Variants in B3GALT1 observed in about 807,000 individuals in gnomAD.
B3GALT1 encodes the protein UDP-Gal:betaGlcNAc beta 1,3-galactosyltransferase, polypeptide 1.
B3GALT1 carries 10 observed loss-of-function variants against 23.2 expected under a neutral mutation model. The observed-to-expected ratio is 0.43, with a 90% CI of 0.27 to 0.73. The LOEUF (loss-of-function observed/expected upper bound fraction) is 0.73. B3GALT1 is among the 30% of genes least tolerant of loss of function. The probability of loss-of-function intolerance (pLI) is 0.21; values close to 1 mark genes in which losing one functional copy is unlikely to be tolerated. For missense variants in B3GALT1, 299 were observed against 405.4 expected (o/e 0.74, Z 2.25); for synonymous variants, 156 against 141.5 (o/e 1.10, Z -0.73).
chr2:167,301,378 TA>T (rs1696443011), intron 1 of B3GALT1, among the ~76,000 whole-genome samples: 2 of 152,190 alleles, frequency 1.3e-5, no homozygotes, highest in South Asian at 4.1e-4. Flanking sequence ...ACTGATGGGC[TA>T]AATCAGCATC....
intron 2 of B3GALT1, among the ~76,000 whole-genome samples, chr2:167,499,667 A>G (rs1456369236): frequency 2.0e-5 from 3 of 152,136 alleles, no homozygotes; most frequent in Non-Finnish European, 4.4e-5. Context: ...AGAAATATGC[A>G]TGGATTTTTC....
intron 3 of B3GALT1, among the ~76,000 whole-genome samples, chr2:167,784,129 G>A (rs556565369): frequency 3.9e-5 from 6 of 151,958 alleles, no homozygotes; most frequent in East Asian, 1.9e-4. Context: ...CCTGCCCTTC[G>A]CTGTCCCCAG....
intron 2 of B3GALT1, among the ~76,000 whole-genome samples, chr2:167,586,326 G>A (rs985570280): frequency 2.0e-5 from 3 of 152,066 alleles, no homozygotes; most frequent in African/African-American, 7.2e-5. Flanking sequence ...TTGAGATGGA[G>A]TCTTGCTCAG....
chr2:167,584,806 G>GC (rs1397304822), intron 2 of B3GALT1, among the ~76,000 whole-genome samples: 2 of 152,148 alleles, frequency 1.3e-5, no homozygotes, highest in Non-Finnish European at 2.9e-5. Flanking sequence ...ATGGAAAGGG[G>GC]CACGGAGCTT....
chr2:167,308,176 A>G (rs957634015), intron 1 of B3GALT1, among the ~76,000 whole-genome samples: 53 of 152,124 alleles, frequency 3.5e-4, no homozygotes, highest in African/African-American at 1.1e-3. Context: ...TAATATCTCT[A>G]TTTTATAACT....
intron 1 of B3GALT1, among the ~76,000 whole-genome samples, chr2:167,483,662 A>G (rs1699588053): frequency 6.6e-6 from 1 of 152,160 alleles, no homozygotes; most frequent in Non-Finnish European, 1.5e-5. Context: ...CACCAAAAGG[A>G]ATTTACATGT....
chr2:167,855,368 G>A (rs1689981467), intron 4 of B3GALT1, among the ~76,000 whole-genome samples: 1 of 152,050 alleles, frequency 6.6e-6, no homozygotes, highest in Non-Finnish European at 1.5e-5. Context: ...TGTAAAGCTG[G>A]GGCAAGTTGC....
intron 2 of B3GALT1, among the ~76,000 whole-genome samples, chr2:167,637,735 A>G (rs1685583746): frequency 6.6e-6 from 1 of 151,916 alleles, no homozygotes. Context: ...GCTTCCACAT[A>G]CAAGTGAAAA....
chr2:167,457,914 T>G (rs888848493), intron 1 of B3GALT1, among the ~76,000 whole-genome samples: 12 of 152,214 alleles, frequency 7.9e-5, no homozygotes, highest in Non-Finnish European at 1.8e-4. Context: ...TACAGAAGAT[T>G]CTGTACACAC....
At chr2:167,415,528 A>C (rs1161944657) in intron 1 of B3GALT1, among the ~76,000 whole-genome samples, 1 of 152,218 alleles carries the variant, frequency 6.6e-6, no homozygotes, top group Non-Finnish European at 1.5e-5. Context: ...AAATACGTAA[A>C]AATGCAGAAG....
chr2:167,640,718 C>A (rs111621606), intron 2 of B3GALT1, among the ~76,000 whole-genome samples: 2,228 of 152,092 alleles, frequency 0.015, 25 homozygotes, highest in Middle Eastern at 0.02. Flanking sequence ...AGGCATATTT[C>A]GCAGGAAAAT....
At chr2:167,303,489 T>C (rs1348048444) in intron 1 of B3GALT1, among the ~76,000 whole-genome samples, 1 of 152,020 alleles carries the variant, frequency 6.6e-6, no homozygotes. Flanking sequence ...CTGGAAGAGA[T>C]TAGCATTTAA....
intron 3 of B3GALT1, among the ~76,000 whole-genome samples, chr2:167,692,772 A>G (rs1354367616): frequency 6.6e-6 from 1 of 152,158 alleles, no homozygotes; most frequent in African/African-American, 2.4e-5. Flanking sequence ...TCATCTACTC[A>G]GTAACATAAC....
chr2:167,569,302 A>C (rs1268490273), intron 2 of B3GALT1, among the ~76,000 whole-genome samples: 5 of 151,888 alleles, frequency 3.3e-5, no homozygotes, highest in Non-Finnish European at 5.9e-5. Flanking sequence ...TCAATACATC[A>C]ACATCTTCCT....
At chr2:167,390,690 T>A (rs1172161911) in intron 1 of B3GALT1, among the ~76,000 whole-genome samples, 1 of 152,210 alleles carries the variant, frequency 6.6e-6, no homozygotes, top group East Asian at 1.9e-4. Flanking sequence ...CTTGTACTTA[T>A]TTATTTAATG....
intron 3 of B3GALT1, among the ~76,000 whole-genome samples, chr2:167,722,146 T>C (rs1687245375): frequency 6.6e-6 from 1 of 152,248 alleles, no homozygotes; most frequent in Non-Finnish European, 1.5e-5. Flanking sequence ...ACTCGTTTAC[T>C]TGGAATCTTT....
At chr2:167,574,532 A>G (rs890836306) in intron 2 of B3GALT1, among the ~76,000 whole-genome samples, 2 of 151,710 alleles carry the variant, frequency 1.3e-5, no homozygotes, top group Non-Finnish European at 3.0e-5. Flanking sequence ...AAAGAAATGA[A>G]GGGACTAAGT....
intron 3 of B3GALT1, among the ~76,000 whole-genome samples, chr2:167,814,042 T>TGTTA: frequency 6.6e-6 from 1 of 152,322 alleles, no homozygotes; most frequent in South Asian, 2.1e-4. Context: ...CCATAATTAT[T>TGTTA]GTTATTCTAC....
chr2:167,334,221 A>T (rs1163751667), intron 1 of B3GALT1, among the ~76,000 whole-genome samples: 1 of 152,192 alleles, frequency 6.6e-6, no homozygotes, highest in Non-Finnish European at 1.5e-5. Context: ...AAAGAACTTA[A>T]TGATAGCATG....
Sources: allele counts gnomAD v4.1 joint callset (sites outside exome capture counted in the v4.1 genomes callset), GRCh38; gene constraint gnomAD v4.1.1; transcripts MANE v1.5; gene names NCBI Gene and HGNC (gene_info 2026-07-23, HGNC 2026-07-21).